The following FUT8 variants were observed in gnomAD, a reference collection of about 807,000 sequenced individuals.
FUT8 encodes alpha-(1,6)-fucosyltransferase.
A neutral mutation model predicts 71.3 loss-of-function variants in FUT8; 29 were observed. The ratio of observed to expected loss-of-function variants is 0.41; its 90% CI spans 0.30 to 0.55. The LOEUF (loss-of-function observed/expected upper bound fraction) is 0.55. FUT8 is among the 20% of genes least tolerant of loss of function. FUT8 has a pLI of 0.34. For synonymous variants in FUT8, 254 were observed against 239.3 expected (o/e 1.06, Z -0.57); for missense variants, 544 against 702.1 (o/e 0.77, Z 2.55).
At chr14:65,572,626 A>G (rs1032281466) in intron 3 of FUT8, among the ~76,000 whole-genome samples, 6 of 151,962 alleles carry the variant, frequency 3.9e-5, no homozygotes, top group African/African-American at 7.3e-5. Context: ...ACCATAGACT[A>G]TAATGTACAT....
intron 2 of FUT8, among the ~76,000 whole-genome samples, chr14:65,527,938 G>A (rs761179202): frequency 6.6e-6 from 1 of 152,174 alleles, no homozygotes; most frequent in African/African-American, 2.4e-5. Context: ...ACACGGCCAT[G>A]TGAGGTGTCA....
At chr14:65,398,260 G>A in the FUT8 span, among the ~76,000 whole-genome samples, 1 of 152,118 alleles carries the variant, frequency 6.6e-6, no homozygotes, top group Non-Finnish European at 1.5e-5. Context: ...TCTGGGGTTA[G>A]GTGAGCTTCC....
Position 65,638,514 on chromosome 14 carries a change from ATTT to A in FUT8, c.597+8914_597+8916del, listed in dbSNP as rs770322433. On this transcript the variant is annotated intron_variant, in intron 6 of 10. Coordinates refer to ENST00000673929, the MANE Select transcript of FUT8 (RefSeq NM_001371533.1). This position sits in a 1 kb window ranked among gnomAD's most constrained non-coding sequence, Gnocchi z 4.5. Reference sequence around the variant, plus strand: ...TTTCACTTTTTAAATGAGGATAGGGATTTTTTTTCATTCAAAAATAAGTTTTAT... The same window carrying A: ...TTTCACTTTTTAAATGAGGATAGGGATTTTTCATTCAAAAATAAGTTTTAT... Among the ~76,000 whole-genome samples, 1 of 151,806 alleles carries A rather than the reference ATTT, an allele frequency of 6.6e-6. No individual in the cohort carries two copies. Among genetic ancestry groups the A allele is most frequent in the Non-Finnish European group, 1.5e-5 (1 of 67,948 alleles).
chr14:65,483,811 C>T lies in FUT8; in HGVS notation c.-228+28093C>T, dbSNP rs1381053069. 6.6e-6 allele frequency among the ~76,000 whole-genome samples: 1 copy of T among 151,782 alleles called. No individual in the cohort carries two copies. The highest frequency in any genetic ancestry group is 2.4e-5 in the African/African-American group (1 of 41,144). On this transcript the variant is annotated intron_variant, in intron 2 of 10. Transcript: ENST00000673929. This position sits in a 1 kb window ranked among gnomAD's most constrained non-coding sequence, Gnocchi z 4.4. The stretch of plus-strand genomic sequence containing the variant: ...GTGGTGGCATGATATCAGCTCACTG[C>T]AACCTTCACCTTCTGGTTTCAAGTG...
chr14:65,508,482 GTTGT>G (rs1223371943), intron 2 of FUT8, among the ~76,000 whole-genome samples: 1 of 109,376 alleles, frequency 9.1e-6, no homozygotes, highest in East Asian at 2.8e-4. Flanking sequence ...TTCCTGTAGA[GTTGT>G]TTGAGTTTTT....
intron 3 of FUT8, among the ~76,000 whole-genome samples, chr14:65,569,428 G>A (rs1456289785): frequency 1.3e-5 from 2 of 151,096 alleles, no homozygotes; most frequent in Admixed American, 6.6e-5. Flanking sequence ...ACTTTATTTT[G>A]TATTATTTTC....
At chr14:65,543,395 A>G (rs764493114) in intron 2 of FUT8, among the ~76,000 whole-genome samples, 4 of 152,210 alleles carry the variant, frequency 2.6e-5, no homozygotes, top group Non-Finnish European at 5.9e-5. Flanking sequence ...CTTATTCAAC[A>G]AATACTAATA....
At position 65,685,300 on chromosome 14, in the gene FUT8, T is replaced by C. The variant is rs187664738; in HGVS notation, c.835+15820T>C. 7.9e-3 allele frequency among the ~76,000 whole-genome samples: 1,206 copies of C among 152,354 alleles called. 43 individuals are homozygous for C. Among genetic ancestry groups the C allele is most frequent in the Admixed American group, 0.062 (956 of 15,300 alleles). On this transcript the variant is annotated intron_variant, in intron 7 of 10. Coordinates refer to ENST00000673929, the MANE Select transcript of FUT8 (RefSeq NM_001371533.1). ...GGCAGCACTGAAATAAGAATTTGCT[T>C]TCTCTCAGTGGCCGTATAAAACAGT...
At chr14:65,543,045 G>T (rs1284722319) in intron 2 of FUT8, among the ~76,000 whole-genome samples, 1 of 152,194 alleles carries the variant, frequency 6.6e-6, no homozygotes, top group African/African-American at 2.4e-5. Context: ...ACCTCCCAAA[G>T]TGCTGGGATT....
the FUT8 span, among the ~76,000 whole-genome samples, chr14:65,373,122 G>A: frequency 2.0e-5 from 3 of 151,864 alleles, no homozygotes; most frequent in Non-Finnish European, 2.9e-5. Context: ...TCTGAAATCT[G>A]AATTTATCTG....
At chr14:65,424,539 CTTTT>C (rs796843891) in intron 1 of FUT8, among the ~76,000 whole-genome samples, 8 of 125,430 alleles carry the variant, frequency 6.4e-5, no homozygotes, top group Non-Finnish European at 8.3e-5. Flanking sequence ...CTTTTCTTTT[CTTTT>C]TTTTTTTTTT....
intron 2 of FUT8, among the ~76,000 whole-genome samples, chr14:65,509,180 C>G (rs1882172538): frequency 6.6e-6 from 1 of 152,058 alleles, no homozygotes; most frequent in Non-Finnish European, 1.5e-5. Context: ...ATTGAAGAAA[C>G]TGTCTTTTCT....
At chr14:65,576,867 G>T (rs377098128) in intron 3 of FUT8, among the ~76,000 whole-genome samples, 2 of 151,684 alleles carry the variant, frequency 1.3e-5, no homozygotes, top group Admixed American at 1.3e-4. Context: ...TTATAGGCAC[G>T]CGTCGCCATG....
chr14:65,388,378 A>G, the FUT8 span, among the ~76,000 whole-genome samples: 1 of 152,216 alleles, frequency 6.6e-6, no homozygotes, highest in Non-Finnish European at 1.5e-5. Context: ...TGTTCAGTGC[A>G]TATCTGTTGA....
chr14:65,358,585 CTG>C, the FUT8 span, among the ~76,000 whole-genome samples: 1 of 152,132 alleles, frequency 6.6e-6, no homozygotes, highest in South Asian at 2.1e-4. Context: ...TACAGAGTAA[CTG>C]GGACTACAGG....
intron 2 of FUT8, among the ~76,000 whole-genome samples, chr14:65,513,044 T>C (rs111922933): frequency 1.5e-4 from 23 of 152,242 alleles, no homozygotes; most frequent in African/African-American, 5.5e-4. Flanking sequence ...TAGTGGAATA[T>C]GTGGACATTG....
intron 1 of FUT8, among the ~76,000 whole-genome samples, chr14:65,435,248 T>G (rs993704303): frequency 1.3e-5 from 2 of 152,218 alleles, no homozygotes; most frequent in African/African-American, 4.8e-5. Flanking sequence ...TTATGTTGTT[T>G]ATATGTATTA....
At chr14:65,592,664 C>T (rs61987987) in intron 3 of FUT8, among the ~76,000 whole-genome samples, 4,397 of 152,234 alleles carry the variant, frequency 0.029, 121 homozygotes, top group Admixed American at 0.085. Context: ...TCTTCTAGAA[C>T]ATCCTTAGAA....
intron 1 of FUT8, among the ~76,000 whole-genome samples, chr14:65,447,255 G>A (rs2065756140): frequency 1.4e-5 from 2 of 145,882 alleles, no homozygotes; most frequent in African/African-American, 5.1e-5. Flanking sequence ...GTCCCACACT[G>A]CACTACAGCC....
Sources: gnomAD v4.1 joint callset for allele counts (sites outside exome capture counted in the v4.1 genomes callset) on GRCh38, gnomAD v4.1.1 for gene constraint, Gnocchi (gnomAD v3.1) non-coding constraint, MANE v1.5 for transcripts, NCBI Gene and HGNC (gene_info 2026-07-23, HGNC 2026-07-21) for gene names.